Variants in CCDC102B observed in about 807,000 individuals in gnomAD.
CCDC102B encodes coiled-coil domain containing 102B, also known as coiled-coil domain-containing protein 102B.
Under a neutral mutation model 57.4 loss-of-function variants are expected in CCDC102B, and 75 were observed. That is an observed-to-expected ratio of 1.31 (90% CI 1.08 to 1.58). The LOEUF (loss-of-function observed/expected upper bound fraction) is 1.58, where lower values mean the gene tolerates loss of function less well. Ranked by LOEUF, CCDC102B falls within the 40% of genes most tolerant of loss-of-function variation. The pLI is 0.00. For synonymous variants in CCDC102B, 206 were observed against 201.9 expected (o/e 1.02, Z -0.17); for missense variants, 636 against 582.6 (o/e 1.09, Z -0.94).
chr18:69,000,956 T>C (rs1268504445), intron 6 of CCDC102B, among the ~76,000 whole-genome samples: 2 of 152,200 alleles, frequency 1.3e-5, no homozygotes, highest in Admixed American at 6.5e-5. Context: ...TACAGTATTT[T>C]ATTTGGATAT....
At chr18:68,724,609 C>G (rs923819181) in intron 2 of CCDC102B, among the ~76,000 whole-genome samples, 1 of 152,202 alleles carries the variant, frequency 6.6e-6, no homozygotes, top group Non-Finnish European at 1.5e-5. Flanking sequence ...ACAAGTTCCT[C>G]TTCTCCATCT....
rs942716417 is a variant in CCDC102B at position 68,838,692 on chromosome 18, T to C, written c.607-14T>C. ...CAGGAGGTTTAAATATGTTTTGTTT[T>C]GTTTTGTCTTCAGGAACAAGGTGTG... is the stretch of plus-strand genomic sequence containing the variant. On this transcript the variant is annotated splice_polypyrimidine_tract_variant and intron_variant, in intron 2 of 7. Coordinates refer to ENST00000360242, the MANE Select transcript of CCDC102B (RefSeq NM_024781.3). The C allele has an allele frequency of 6.2e-7, 1 of 1,609,048 alleles. No homozygotes were observed. Among genetic ancestry groups the C allele is most frequent in the Non-Finnish European group, 8.5e-7 (1 of 1,177,580 alleles).
chr18:69,015,002 T>TGA (rs1411193194), intron 7 of CCDC102B, among the ~76,000 whole-genome samples: 9 of 150,048 alleles, frequency 6.0e-5, no homozygotes, highest in African/African-American at 2.2e-4. Context: ...TGTGTGTGTG[T>TGA]GAAAGAGAAA....
chr18:68,931,956 G>A (rs2041687754), intron 6 of CCDC102B, among the ~76,000 whole-genome samples: 1 of 149,644 alleles, frequency 6.7e-6, no homozygotes, highest in South Asian at 2.2e-4. Flanking sequence ...TACACAAAGT[G>A]GGTATTCTAT....
intron 5 of CCDC102B, among the ~76,000 whole-genome samples, chr18:68,881,619 C>T (rs2039695296): frequency 1.3e-5 from 2 of 151,982 alleles, no homozygotes; most frequent in South Asian, 4.1e-4. Flanking sequence ...AGGCTGAGAA[C>T]GAGGGAACTA....
At chr18:68,742,179 T>C (rs1235281183) in intron 2 of CCDC102B, among the ~76,000 whole-genome samples, 1 of 152,204 alleles carries the variant, frequency 6.6e-6, no homozygotes, top group Non-Finnish European at 1.5e-5. Context: ...AGAATTTGTT[T>C]CAGGCTTCTC....
intron 2 of CCDC102B, chr18:68,838,385 T>C: frequency 7.1e-6 from 7 of 982,700 alleles, no homozygotes; most frequent in East Asian, 1.1e-4. Flanking sequence ...GAGGAATTCA[T>C]CAACTCATTA....
Position 68,752,287 on chromosome 18 carries a change from C to G in CCDC102B, c.-67+35693C>G, listed in dbSNP as rs547689. ...AAAAATAAAAATAAAAAATCAACAT[C>G]AAGTAACAGTGATAAGACTGACATC... is the stretch of plus-strand genomic sequence containing the variant. On this transcript the variant is annotated intron_variant, in intron 2 of 3. Transcript: ENST00000578970. Among the ~76,000 whole-genome samples, 537 of 151,828 alleles carry G rather than the reference C, an allele frequency of 3.5e-3. 2 individuals are homozygous for G. The highest frequency in any genetic ancestry group is 0.012 in the African/African-American group (508 of 41,414).
chr18:68,998,353 GTA>G (rs1568112824), intron 6 of CCDC102B, among the ~76,000 whole-genome samples: 1 of 146,314 alleles, frequency 6.8e-6, no homozygotes, highest in Non-Finnish European at 1.5e-5. Context: ...ATACACACAT[GTA>G]TATATACATC....
Position 69,054,477 on chromosome 18 carries a change from G to T in CCDC102B, c.*340G>T, listed in dbSNP as rs1369061149. The stretch of plus-strand genomic sequence containing the variant: ...AAGTAAGTTGAAAACCATACAAGAC[G>T]CTGGGTCATTAATAAGAAAACCATT... On this transcript the variant is annotated 3_prime_UTR_variant, in exon 8 of 8. Coordinates refer to ENST00000360242, the MANE Select transcript of CCDC102B (RefSeq NM_024781.3). 10 of 1,010,764 alleles carry T rather than the reference G, an allele frequency of 9.9e-6. No homozygotes were observed. Among genetic ancestry groups the T allele is most frequent in the Non-Finnish European group, 1.2e-5 (10 of 847,068 alleles). 62.6% of individuals were successfully genotyped at this position (1,010,764 alleles called of 1,614,324 possible).
chr18:69,008,661 G>A (rs1165040638), intron 6 of CCDC102B, among the ~76,000 whole-genome samples: 1 of 152,140 alleles, frequency 6.6e-6, no homozygotes, highest in East Asian at 1.9e-4. Flanking sequence ...CTTCCTAAGA[G>A]TGAGGACCAG....
chr18:69,005,092 T>G (rs78695761), intron 6 of CCDC102B, among the ~76,000 whole-genome samples: 3,923 of 152,262 alleles, frequency 0.026, 117 homozygotes, highest in East Asian at 0.13. Context: ...AACAGGCAGG[T>G]AGTACAAAAA....
intron 7 of CCDC102B, among the ~76,000 whole-genome samples, chr18:69,035,578 A>G (rs1204234089): frequency 1.3e-5 from 2 of 152,124 alleles, no homozygotes; most frequent in Non-Finnish European, 2.9e-5. Flanking sequence ...ATCATGTAAC[A>G]AATGCTATAT....
At chr18:68,942,663 G>A (rs990791818) in intron 6 of CCDC102B, among the ~76,000 whole-genome samples, 7 of 151,202 alleles carry the variant, frequency 4.6e-5, no homozygotes, top group African/African-American at 1.5e-4. Context: ...GCCCTAAGGC[G>A]GTTTTCTCCT....
At chr18:68,906,853 A>G (rs6566396) in intron 6 of CCDC102B, among the ~76,000 whole-genome samples, 130,525 of 145,450 alleles carry the variant, frequency 0.9, 58,479 homozygotes, top group Admixed American at 0.92. Flanking sequence ...TTTTTTTGTC[A>G]TTTATGCTTC....
chr18:68,724,932 C>T (rs1214242496), intron 2 of CCDC102B, among the ~76,000 whole-genome samples: 1 of 152,136 alleles, frequency 6.6e-6, no homozygotes, highest in Non-Finnish European at 1.5e-5. Context: ...GAGGAAATAC[C>T]TGAGACTGGG....
chr18:68,981,487 T>C (rs1324965035), intron 6 of CCDC102B, among the ~76,000 whole-genome samples: 1 of 152,024 alleles, frequency 6.6e-6, no homozygotes, highest in Non-Finnish European at 1.5e-5. Flanking sequence ...TAGGACTCAT[T>C]GATCAGAGAT....
intron 6 of CCDC102B, among the ~76,000 whole-genome samples, chr18:68,979,156 T>A (rs59462863): frequency 0.012 from 1,831 of 152,164 alleles, 31 homozygotes; most frequent in East Asian, 0.083. Context: ...TAACAGTTTA[T>A]TAAGCAGTAT....
At chr18:68,931,216 G>A (rs140530238) in intron 6 of CCDC102B, among the ~76,000 whole-genome samples, 2 of 151,474 alleles carry the variant, frequency 1.3e-5, no homozygotes, top group African/African-American at 4.8e-5. Flanking sequence ...TATAATGAAG[G>A]CTTTACATTT....
Sources: allele counts gnomAD v4.1 joint callset (sites outside exome capture counted in the v4.1 genomes callset), GRCh38; gene constraint gnomAD v4.1.1; transcripts MANE v1.5; gene names NCBI Gene and HGNC (gene_info 2026-07-23, HGNC 2026-07-21).